The following SCUBE1 variants were observed in gnomAD, a reference collection of about 807,000 sequenced individuals.
The protein encoded by SCUBE1 is signal peptide, CUB and EGF-like domain-containing protein 1.
In SCUBE1, 59 loss-of-function variants were observed where a neutral mutation model predicts 124.4. That is an observed-to-expected ratio of 0.47 (90% CI 0.38 to 0.59). SCUBE1 has a LOEUF of 0.59. SCUBE1 is among the 20% of genes least tolerant of loss of function. SCUBE1 has a pLI of 0.00. For synonymous variants in SCUBE1, 545 were observed against 550.9 expected, an observed-to-expected ratio of 0.99 and a Z score of 0.15; for missense variants, 1,150 against 1,371.2, an observed-to-expected ratio of 0.84 and a Z score of 2.55.
intron 6 of SCUBE1, among the ~76,000 whole-genome samples, chr22:43,247,184 G>A (rs1401576233): frequency 1.3e-5 from 2 of 152,222 alleles, no homozygotes; most frequent in African/African-American, 2.4e-5. Context: ...AGAAGGAAAG[G>A]ATGGAAAGTG....
chr22:43,221,248 T>C lies in SCUBE1; in HGVS notation c.1474A>G (p.Ile492Val), dbSNP rs1922080052. 6.2e-7 allele frequency: 1 copy of C among 1,611,490 alleles called. No homozygotes were observed. The highest frequency in any genetic ancestry group is 1.1e-5 in the South Asian group (1 of 91,048). Residue 492 changes from isoleucine (I) to valine (V), a missense_variant, in exon 13 of 22, where the codon ATC (isoleucine) becomes GTC (valine). Ile to Val is a conservative substitution (Grantham distance 29). Coordinates refer to ENST00000360835, the MANE Select transcript of SCUBE1 (RefSeq NM_173050.5). ...CGGAGGTGGCACTTGGCATCTCGGA[T>C]CTTGAAGCGGGCCTTCTGTTTGATG... ...TPIKQKARFKIRDAKCHLRPH... is the reference protein window; with the variant it reads ...TPIKQKARFKVRDAKCHLRPH...
At position 43,255,311 on chromosome 22, in the gene SCUBE1, G is replaced by A. The variant is rs1056602766; in HGVS notation, c.727+2908C>T. On this transcript the variant is annotated intron_variant, in intron 6 of 21. Transcript: ENST00000360835. This position sits in a 1 kb window ranked among gnomAD's most constrained non-coding sequence, Gnocchi z 4.7. ...CCCCCCGCACTCACACGACACGCAG[G>A]ACTGCACACACGTGGGCACACCCCA... Among the ~76,000 whole-genome samples, 4 of 152,144 alleles carry A rather than the reference G, an allele frequency of 2.6e-5. No individual in the cohort carries two copies. The highest frequency in any genetic ancestry group is 6.5e-5 in the Admixed American group (1 of 15,292).
chr22:43,311,792 A>G (rs1397098327), intron 3 of SCUBE1, among the ~76,000 whole-genome samples: 1 of 152,018 alleles, frequency 6.6e-6, no homozygotes. Flanking sequence ...TGGACCTAAG[A>G]GCCCTGCGAG....
At chr22:43,327,833 T>C (rs939343831) in intron 2 of SCUBE1, among the ~76,000 whole-genome samples, 1 of 152,208 alleles carries the variant, frequency 6.6e-6, no homozygotes, top group African/African-American at 2.4e-5. Flanking sequence ...ACATTGATTG[T>C]GGTAGTGGAC....
At chr22:43,212,301 G>A (rs971671979) in intron 17 of SCUBE1, 124 bp downstream of exon 17, 12 of 1,107,076 alleles carry the variant, frequency 1.1e-5, no homozygotes, top group African/African-American at 3.2e-5. Flanking sequence ...GACAGCTCCA[G>A]GCTCCTCCTC....
At chr22:43,329,681 C>T (rs573185172) in intron 2 of SCUBE1, among the ~76,000 whole-genome samples, 2 of 152,198 alleles carry the variant, frequency 1.3e-5, no homozygotes, top group African/African-American at 4.8e-5. Flanking sequence ...GTTTTACACT[C>T]TTTCTAGCCA....
intron 15 of SCUBE1, among the ~76,000 whole-genome samples, chr22:43,216,867 AC>A (rs1247094388): frequency 7.3e-5 from 2 of 27,414 alleles, no homozygotes; most frequent in Non-Finnish European, 1.4e-4. Flanking sequence ...CCCCCCACCC[AC>A]CCCCCGCCAG....
intron 7 of SCUBE1, chr22:43,237,996 T>TG (rs1160069589): frequency 6.6e-6 from 1 of 152,514 alleles, no homozygotes; most frequent in Admixed American, 6.5e-5. Flanking sequence ...CACAGCTTCT[T>TG]GGGGCTCCGT....
At chr22:43,261,909 C>T (rs1447017978) in intron 5 of SCUBE1, among the ~76,000 whole-genome samples, 3 of 152,222 alleles carry the variant, frequency 2.0e-5, no homozygotes, top group Admixed American at 6.5e-5. Context: ...ATCTCCCCCA[C>T]GTAGCTGTGG....
chr22:43,278,065 G>A (rs1344480680), intron 4 of SCUBE1, among the ~76,000 whole-genome samples: 2 of 152,270 alleles, frequency 1.3e-5, no homozygotes. Context: ...GGAGAGGGGC[G>A]TGAAGCTGGG....
At chr22:43,317,908 CAG>C (rs1205291038) in intron 3 of SCUBE1, among the ~76,000 whole-genome samples, 3 of 152,298 alleles carry the variant, frequency 2.0e-5, no homozygotes, top group East Asian at 3.9e-4. Flanking sequence ...AATTTGGACA[CAG>C]AGCCAGACAC....
chr22:43,229,232 G>A (rs1406865805), intron 8 of SCUBE1, 44 bp from the exon 9 acceptor site: 1 of 1,047,346 alleles, frequency 9.5e-7, no homozygotes, highest in Non-Finnish European at 1.5e-6. Flanking sequence ...GAGTTTGAGG[G>A]AGTGGTGGGT....
chr22:43,314,637 G>C (rs1370299671), intron 3 of SCUBE1, among the ~76,000 whole-genome samples: 1 of 152,180 alleles, frequency 6.6e-6, no homozygotes, highest in Non-Finnish European at 1.5e-5. Flanking sequence ...TTAGGCCTGA[G>C]TAAGACTTAG....
At chr22:43,206,115 AC>A (rs1921261525) in intron 21 of SCUBE1, among the ~76,000 whole-genome samples, 1 of 69,722 alleles carries the variant, frequency 1.4e-5, no homozygotes, top group Admixed American at 1.6e-4. Context: ...CATCCACCAC[AC>A]CCCCACCCAC....
At chr22:43,335,382 A>C (rs1927030212) in intron 2 of SCUBE1, among the ~76,000 whole-genome samples, 1 of 152,208 alleles carries the variant, frequency 6.6e-6, no homozygotes, top group Non-Finnish European at 1.5e-5. Context: ...AGAAAACCAG[A>C]GTGCTAAAAG....
At chr22:43,205,759 A>C (rs11913000) in intron 21 of SCUBE1, among the ~76,000 whole-genome samples, 97 of 33,494 alleles carry the variant, frequency 2.9e-3, no homozygotes, top group African/African-American at 3.5e-3. Context: ...CCACTCACCC[A>C]CACACACACC....
Position 43,286,479 on chromosome 22 carries a change from G to A in SCUBE1, c.484+4567C>T, listed in dbSNP as rs77683913. Among the ~76,000 whole-genome samples, 926 of 152,368 alleles carry A rather than the reference G, an allele frequency of 6.1e-3. 10 individuals are homozygous for A. The highest frequency in any genetic ancestry group is 0.02 in the Middle Eastern group (6 of 294). On this transcript the variant is annotated intron_variant, in intron 4 of 21. Transcript: ENST00000360835. ...CTGCAGGACAGCCTCCTGCATGGAGGGCCAGTGGCATCTCAAACCCAAAGC... is the reference window on the plus strand; with the variant it reads ...CTGCAGGACAGCCTCCTGCATGGAGAGCCAGTGGCATCTCAAACCCAAAGC...
intron 9 of SCUBE1, among the ~76,000 whole-genome samples, chr22:43,228,212 C>T (rs1033282572): frequency 6.6e-6 from 1 of 152,170 alleles, no homozygotes; most frequent in Non-Finnish European, 1.5e-5. Flanking sequence ...AGAGGGGGAC[C>T]GTCCTTGGCT....
At position 43,291,096 on chromosome 22, in the gene SCUBE1, C is replaced by T. The variant is rs758530618; in HGVS notation, c.434G>A (p.Ser145Asn). 1.2e-6 allele frequency: 2 copies of T among 1,613,728 alleles called. No homozygotes were observed. The highest frequency in any genetic ancestry group is 3.3e-5 in the Admixed American group (2 of 59,978). ...CTGGTTGTCACTAAGGAAGAAGCCA[C>T]TGTGGCACTGACACTCGTAGCTGCC... ...AMGSYECQCH[S>N]GFFLSDNQHT... The change falls in exon 4 of 22, where the codon AGT (serine) becomes AAT (asparagine). Residue 145 changes from serine (S) to asparagine (N), a missense_variant. Around this residue, in one of 3 missense-constraint regions of SCUBE1, gnomAD observed 337 missense variants for 482.1 expected, o/e 0.70. Transcript: ENST00000360835.
Sources: allele counts gnomAD v4.1 joint callset (sites outside exome capture counted in the v4.1 genomes callset), GRCh38; gene constraint gnomAD v4.1.1; regional missense constraint gnomAD v4.1.1; non-coding constraint Gnocchi (gnomAD v3.1); transcripts MANE v1.5; gene names NCBI Gene and HGNC (gene_info 2026-07-23, HGNC 2026-07-21).